PAF1: variants seen among roughly 807,000 people sequenced by gnomAD.
The protein encoded by PAF1 is RNA polymerase II-associated factor 1 homolog.
A neutral mutation model predicts 68.4 loss-of-function variants in PAF1; 31 were observed. The ratio of observed to expected loss-of-function variants is 0.45; its 90% CI spans 0.34 to 0.61. PAF1 has a LOEUF of 0.61. PAF1 is among the 20% of genes least tolerant of loss of function. The pLI is 0.01. For synonymous variants in PAF1, 256 were observed against 240.5 expected (o/e 1.06, Z -0.60); for missense variants, 435 against 692.9 (o/e 0.63, Z 4.18).
chr19:39,390,693 C>T (rs1249575757), intron 1 of PAF1, 125 bp downstream of exon 1: 3 of 1,022,318 alleles, frequency 2.9e-6, no homozygotes, highest in Admixed American at 2.2e-5. Flanking sequence ...AGAAGGAACC[C>T]GCCCCCTTCG....
Position 39,386,251 on chromosome 19 carries a change from C to T in PAF1, c.1336G>A (p.Ala446Thr). 1 of 1,614,188 alleles carries T rather than the reference C, an allele frequency of 6.2e-7. No individual in the cohort carries two copies. Among genetic ancestry groups the T allele is most frequent in the Non-Finnish European group, 8.5e-7 (1 of 1,180,044 alleles). The change falls in exon 14 of 14, where the codon GCT becomes ACT. Residue 446 changes from alanine (A) to threonine (T), a missense_variant. By Grantham distance (58) the Ala-to-Thr change is moderately conservative. Around this residue, in one of 7 missense-constraint regions of PAF1, gnomAD observed 78 missense variants for 80.6 expected, o/e 0.97. Coordinates refer to ENST00000221265, the MANE Select transcript of PAF1 (RefSeq NM_019088.4). The surrounding 1 kb of genome is among the most constrained non-coding windows in gnomAD (Gnocchi z 6.1). ...AAGATCTCCTCTTTGTCACGGGCAG[C>T]CCGGGCCTCATCCTCGCTGCTCTCG... ...EDESSEDEAR[A>T]ARDKEEIFGS... is the part of the protein sequence containing the mutation.
Position 39,391,060 on chromosome 19 carries a change from G to T in PAF1, c.-196C>A. 1 of 635,384 alleles carries T rather than the reference G, an allele frequency of 1.6e-6. No homozygotes were observed. The allele number at this position is 635,384 out of a possible 1,614,324, so 39.4% of individuals were successfully genotyped here. ...CTCAGGTGAACGCGCAGGCAGCACC[G>T]GGGACGGACTCGAAGCTCCGGTTCC... On this transcript the variant is annotated 5_prime_UTR_variant, in exon 1 of 14. Transcript: ENST00000221265.
Position 39,389,621 on chromosome 19 carries a change from T to A in PAF1, c.292+19A>T. On this transcript the variant is annotated intron_variant, in intron 4 of 13. Transcript: ENST00000221265. The surrounding 1 kb of genome is among the most constrained non-coding windows in gnomAD (Gnocchi z 5.3). ...GCCTTTGCTGACCTAGAGCAGACCCTCCCTGTCTCCCCACACACCATTGGG... is the reference window on the plus strand; with the variant it reads ...GCCTTTGCTGACCTAGAGCAGACCCACCCTGTCTCCCCACACACCATTGGG... The A allele has an allele frequency of 6.2e-7, 1 of 1,614,196 alleles. No homozygotes were observed. Among genetic ancestry groups the A allele is most frequent in the Non-Finnish European group, 8.5e-7 (1 of 1,180,026 alleles).
At chr19:39,388,200 G>T in intron 11 of PAF1, 139 bp downstream of exon 11, 1 of 813,756 alleles carries the variant, frequency 1.2e-6, no homozygotes, top group Non-Finnish European at 2.0e-6. Flanking sequence ...TCATGTGCAT[G>T]ACCAGACATC....
At chr19:39,387,048 T>A in intron 11 of PAF1, 1 of 571,098 alleles carries the variant, frequency 1.8e-6, no homozygotes, top group Non-Finnish European at 3.2e-6. Flanking sequence ...ACGGTGTATT[T>A]ACATAAATAC....
rs2078248250 is a variant in PAF1, at chr19:39,386,338, C to T, written c.1249G>A (p.Glu417Lys). 2 of 1,614,192 alleles carry T rather than the reference C, an allele frequency of 1.2e-6. No homozygotes were observed. The highest frequency in any genetic ancestry group is 2.2e-5 in the East Asian group (1 of 44,888). The change falls in exon 14 of 14, where the codon GAG (glutamate) becomes AAG (lysine). Residue 417 changes from glutamate (E) to lysine (K), a missense_variant. Around this residue, in one of 7 missense-constraint regions of PAF1, gnomAD observed 78 missense variants for 80.6 expected, o/e 0.97. Coordinates refer to ENST00000221265, the MANE Select transcript of PAF1 (RefSeq NM_019088.4). This position sits in a 1 kb window ranked among gnomAD's most constrained non-coding sequence, Gnocchi z 6.1. ...CTGTCACCTTCCTCCCGTTCACTCT[C>T]GCTGCCCGAGTGCTCATCTTCACTG... ...EGSEDEHSGS[E>K]SEREEGDRDE...
At position 39,386,451 on chromosome 19, in the gene PAF1, G is replaced by A. The variant is rs753047341; in HGVS notation, c.1183+31C>T. The A allele has an allele frequency of 2.4e-5, 39 of 1,614,058 alleles. No homozygotes were observed. Among genetic ancestry groups the A allele is most frequent in the Non-Finnish European group, 3.3e-5 (39 of 1,180,004 alleles). ...GAAACCCACTTTTCCACCCTCCCAGGGCTCCCAGAGTCTGGCCTGTCCAGA... is the reference window on the plus strand; with the variant it reads ...GAAACCCACTTTTCCACCCTCCCAGAGCTCCCAGAGTCTGGCCTGTCCAGA... On this transcript the variant is annotated intron_variant, in intron 13 of 13. Coordinates refer to ENST00000221265, the MANE Select transcript of PAF1 (RefSeq NM_019088.4). The surrounding 1 kb of genome is among the most constrained non-coding windows in gnomAD (Gnocchi z 6.1).
rs1167683854 is a variant in PAF1, at chr19:39,386,528, TTCC to T, written c.1134_1136del (p.Glu383del). The stretch of plus-strand genomic sequence containing the variant: ...CTTCTGTCTCCATCTCCTCTTCCTC[TTCC>T]TCCTCCGGTTCGTGGTTTTCTAGCT... On this transcript the variant is annotated inframe_deletion, in exon 13 of 14. Coordinates refer to ENST00000221265, the MANE Select transcript of PAF1 (RefSeq NM_019088.4). The surrounding 1 kb of genome is among the most constrained non-coding windows in gnomAD (Gnocchi z 6.1). 2 of 1,614,100 alleles carry T rather than the reference TTCC, an allele frequency of 1.2e-6. No individual in the cohort carries two copies. The highest frequency in any genetic ancestry group is 1.7e-6 in the Non-Finnish European group (2 of 1,180,048).
At position 39,385,916 on chromosome 19, in the gene PAF1, C is replaced by CACAA. The variant is rs992254650; in HGVS notation, c.*71_*74dup. On this transcript the variant is annotated 3_prime_UTR_variant, in exon 14 of 14. Transcript: ENST00000221265. ...GTGGGGAACAAACAAGTGAAAGGCT[C>CACAA]ACAAACAGACCACTAGAAAAGTGCT... 8.2e-6 allele frequency: 13 copies of CACAA among 1,580,070 alleles called. No homozygotes were observed. The highest frequency in any genetic ancestry group is 1.1e-5 in the Non-Finnish European group (13 of 1,166,552).
Position 39,389,172 on chromosome 19 carries a change from A to T in PAF1, c.488T>A (p.Phe163Tyr). 6.2e-7 allele frequency: 1 copy of T among 1,614,118 alleles called. No homozygotes were observed. The highest frequency in any genetic ancestry group is 8.5e-7 in the Non-Finnish European group (1 of 1,180,004). The change falls in exon 7 of 14, where the codon TTT becomes TAT. Residue 163 changes from phenylalanine to tyrosine, a missense_variant. This residue lies in a region of PAF1 where 151 missense variants were observed against 306.3 expected (regional missense o/e 0.49). Transcript: ENST00000221265. This position sits in a 1 kb window ranked among gnomAD's most constrained non-coding sequence, Gnocchi z 5.3. Reference protein sequence around the residue: ...VKIGVSVKQQFTEEEIYKDRD... With the variant: ...VKIGVSVKQQYTEEEIYKDRD... ...GTCTTTGTATATTTCTTCCTCGGTA[A>T]ACTGCTGCTTCACAGAAACCCCAAT... is the stretch of plus-strand genomic sequence containing the variant.
rs768253777 is a variant in PAF1, at chr19:39,385,935, A to G, written c.*56T>C. On this transcript the variant is annotated 3_prime_UTR_variant, in exon 14 of 14. Coordinates refer to ENST00000221265, the MANE Select transcript of PAF1 (RefSeq NM_019088.4). ...AAGGCTCACAAACAGACCACTAGAAAAGTGCTTTGCTGCTCACAATAATGG... is the reference window on the plus strand; with the variant it reads ...AAGGCTCACAAACAGACCACTAGAAGAGTGCTTTGCTGCTCACAATAATGG... 3 of 1,601,406 alleles carry G rather than the reference A, an allele frequency of 1.9e-6. No individual in the cohort carries two copies. The highest frequency in any genetic ancestry group is 2.6e-6 in the Non-Finnish European group (3 of 1,175,650).
In PAF1 at chr19:39,389,847, G is replaced by T; in HGVS notation, c.171-86C>A. The T allele has an allele frequency of 6.4e-7, 1 of 1,554,630 alleles. No homozygotes were observed. ...TTCCCAGAGGCGGAGCTTCTCTGGG[G>T]AGGAACTCAGAATGAAGTGTCCCCC... is the stretch of plus-strand genomic sequence containing the variant. On this transcript the variant is annotated intron_variant, in intron 3 of 13. Coordinates refer to ENST00000221265, the MANE Select transcript of PAF1 (RefSeq NM_019088.4). This position sits in a 1 kb window ranked among gnomAD's most constrained non-coding sequence, Gnocchi z 5.3.
Position 39,389,116 on chromosome 19 carries a change from T to C in PAF1, c.544A>G (p.Thr182Ala). 6.2e-7 allele frequency: 1 copy of C among 1,614,064 alleles called. No homozygotes were observed. The highest frequency in any genetic ancestry group is 2.2e-5 in the East Asian group (1 of 44,886). The change falls in exon 7 of 14, where the codon ACT (threonine) becomes GCT (alanine). Residue 182 changes from threonine to alanine, a missense_variant. Coordinates refer to ENST00000221265, the MANE Select transcript of PAF1 (RefSeq NM_019088.4). This position sits in a 1 kb window ranked among gnomAD's most constrained non-coding sequence, Gnocchi z 5.3. ...RDSQITAIEKTFEDAQKSISQ... is the reference protein window; with the variant it reads ...RDSQITAIEKAFEDAQKSISQ... ...ACTGATTTCTGGGCATCCTCAAAAG[T>C]CTTCTCAATGGCTGTGATCTGGCTA...
chr19:39,386,277 TCCTCACCACTGCCA>T lies in PAF1; in HGVS notation c.1296_1309del (p.Ser432ArgfsTer7). On this transcript the variant is annotated frameshift_variant, in exon 14 of 14. Transcript: ENST00000221265. LOFTEE classifies it high-confidence loss of function. This position sits in a 1 kb window ranked among gnomAD's most constrained non-coding sequence, Gnocchi z 6.1. ...CCGGGCCTCATCCTCGCTGCTCTCG[TCCTCACCACTGCCA>T]CTCTTGTCACTGGCCTCGTCCCTGT... The T allele has an allele frequency of 6.2e-7, 1 of 1,614,130 alleles. No individual in the cohort carries two copies. Among genetic ancestry groups the T allele is most frequent in the Non-Finnish European group, 8.5e-7 (1 of 1,180,010 alleles).
Position 39,386,607 on chromosome 19 carries a change from G to A in PAF1, c.1093-35C>T. 3 of 1,611,208 alleles carry A rather than the reference G, an allele frequency of 1.9e-6. No individual in the cohort carries two copies. Among genetic ancestry groups the A allele is most frequent in the Non-Finnish European group, 2.5e-6 (3 of 1,177,450 alleles). ...GCAAGATTGGAATGAGGGGAAGGAG[G>A]GTGTTCTGCTGGGTTTTTGTCCCCC... On this transcript the variant is annotated intron_variant, in intron 12 of 13. Coordinates refer to ENST00000221265, the MANE Select transcript of PAF1 (RefSeq NM_019088.4). This position sits in a 1 kb window ranked among gnomAD's most constrained non-coding sequence, Gnocchi z 6.1.
chr19:39,386,018 G>A lies in PAF1; in HGVS notation c.1569C>T (p.Ser523=). 1 of 1,613,500 alleles carries A rather than the reference G, an allele frequency of 6.2e-7. No individual in the cohort carries two copies. Among genetic ancestry groups the A allele is most frequent in the Non-Finnish European group, 8.5e-7 (1 of 1,179,716 alleles). ...EDGSEAAASD[S]SEADSDSD ...AGTCACTGTCACTATCAGCTTCACT[G>A]GAATCAGAAGCTGCAGCTTCACTGC... The change falls in exon 14 of 14, where the codon TCC becomes TCT. Residue 523 remains serine (S), a synonymous_variant. Transcript: ENST00000221265. This position sits in a 1 kb window ranked among gnomAD's most constrained non-coding sequence, Gnocchi z 6.1.
chr19:39,386,118 C>A lies in PAF1; in HGVS notation c.1469G>T (p.Gly490Val), dbSNP rs1375773378. ...GCGGCTGTGGCTCCGGCTCCGCTGGCCACCCCCATTGCTGCCGCTGTCTGA... is the reference window on the plus strand; with the variant it reads ...GCGGCTGTGGCTCCGGCTCCGCTGGACACCCCCATTGCTGCCGCTGTCTGA... Reference protein sequence around the residue: ...NDSDSGSNGGGQRSRSHSRSA... With the variant: ...NDSDSGSNGGVQRSRSHSRSA... Residue 490 changes from glycine to valine, a missense_variant, in exon 14 of 14, where the codon GGC becomes GTC. This residue lies in a region of PAF1 where 83 missense variants were observed against 99.9 expected (regional missense o/e 0.83). Coordinates refer to ENST00000221265, the MANE Select transcript of PAF1 (RefSeq NM_019088.4). This position sits in a 1 kb window ranked among gnomAD's most constrained non-coding sequence, Gnocchi z 6.1. 4 of 1,613,958 alleles carry A rather than the reference C, an allele frequency of 2.5e-6. No individual in the cohort carries two copies. Among genetic ancestry groups the A allele is most frequent in the Non-Finnish European group, 3.4e-6 (4 of 1,180,036 alleles).
At position 39,386,493 on chromosome 19, in the gene PAF1, GCTT is replaced by G; in HGVS notation, c.1169_1171del (p.Glu390del). On this transcript the variant is annotated inframe_deletion, in exon 13 of 14. Coordinates refer to ENST00000221265, the MANE Select transcript of PAF1 (RefSeq NM_019088.4). The surrounding 1 kb of genome is among the most constrained non-coding windows in gnomAD (Gnocchi z 6.1). ...CTGTCCAGATTTACCTGAGCCCCCA[GCTT>G]CTTTCTCTTCTGTCTCCATCTCCTC... 1.2e-6 allele frequency: 2 copies of G among 1,614,116 alleles called. No homozygotes were observed. Among genetic ancestry groups the G allele is most frequent in the South Asian group, 2.2e-5 (2 of 91,080 alleles).
chr19:39,386,163 T>A lies in PAF1; in HGVS notation c.1424A>T (p.Gln475Leu). 1 of 1,614,198 alleles carries A rather than the reference T, an allele frequency of 6.2e-7. No homozygotes were observed. ...DSDDEDRGQA[Q>L]GGSDNDSDSG... ...GTCTGAATCATTGTCACTGCCACCT[T>A]GGGCCTGTCCTCTGTCCTCATCATC... Residue 475 changes from glutamine (Q) to leucine (L), a missense_variant, in exon 14 of 14, where the codon CAA (glutamine) becomes CTA (leucine). Coordinates refer to ENST00000221265, the MANE Select transcript of PAF1 (RefSeq NM_019088.4). This position sits in a 1 kb window ranked among gnomAD's most constrained non-coding sequence, Gnocchi z 6.1.
Sources: allele counts gnomAD v4.1 joint callset, GRCh38; gene constraint gnomAD v4.1.1; regional missense constraint gnomAD v4.1.1; non-coding constraint Gnocchi (gnomAD v3.1); transcripts MANE v1.5; gene names NCBI Gene and HGNC (gene_info 2026-07-23, HGNC 2026-07-21).